GRID2: variants seen among roughly 807,000 people sequenced by gnomAD.
The protein encoded by GRID2 is glutamate ionotropic receptor delta type subunit 2.
Under a neutral mutation model 114.8 loss-of-function variants are expected in GRID2, and 33 were observed. The ratio of observed to expected loss-of-function variants is 0.29; its 90% CI spans 0.22 to 0.38. The LOEUF is 0.38. Ranked by LOEUF, GRID2 falls within the 10% of genes least tolerant of loss-of-function variation. GRID2 has a pLI of 1.00. For missense variants in GRID2, 1,184 were observed against 1,257.7 expected, an observed-to-expected ratio of 0.94 and a Z score of 0.89; for synonymous variants, 505 against 449.9, an observed-to-expected ratio of 1.12 and a Z score of -1.55.
chr4:93,455,586 C>A, intron 10 of GRID2, 76 bp from the exon 11 acceptor site: 1 of 945,620 alleles, frequency 1.1e-6, no homozygotes, highest in Non-Finnish European at 1.6e-6. Flanking sequence ...TTTTTTTCCT[C>A]GAGGCAAGCT....
At chr4:93,370,175 C>T (rs1031271751) in intron 8 of GRID2, among the ~76,000 whole-genome samples, 2 of 151,992 alleles carry the variant, frequency 1.3e-5, no homozygotes, top group Non-Finnish European at 2.9e-5. Flanking sequence ...TCCATACAAA[C>T]AGTAGATACA....
chr4:93,601,296 T>G (rs764834451), intron 13 of GRID2, among the ~76,000 whole-genome samples: 2 of 152,164 alleles, frequency 1.3e-5, no homozygotes, highest in African/African-American at 2.4e-5. Flanking sequence ...ATAGAGTATA[T>G]GCCTACTCAA....
intron 2 of GRID2, among the ~76,000 whole-genome samples, chr4:92,961,549 C>G (rs977686936): frequency 5.3e-5 from 8 of 151,488 alleles, no homozygotes; most frequent in Admixed American, 5.3e-4. Context: ...ATAATTTTAT[C>G]TTAGTGAGTG....
chr4:93,430,294 C>T (rs1769283054), intron 10 of GRID2, among the ~76,000 whole-genome samples: 1 of 152,144 alleles, frequency 6.6e-6, no homozygotes, highest in South Asian at 2.1e-4. Context: ...GACTCTCCTG[C>T]CTCAGCCTCC....
chr4:93,137,835 A>T (rs1735401986), intron 4 of GRID2, among the ~76,000 whole-genome samples: 1 of 152,098 alleles, frequency 6.6e-6, no homozygotes, highest in Non-Finnish European at 1.5e-5. Context: ...GATGTTTCCA[A>T]AATTAAAACA....
At chr4:92,418,032 C>T (rs141788353) in intron 1 of GRID2, among the ~76,000 whole-genome samples, 2,090 of 152,154 alleles carry the variant, frequency 0.014, 20 homozygotes, top group Middle Eastern at 0.044. Flanking sequence ...ATTACTCAGT[C>T]GTGTGTATGT....
intron 1 of GRID2, among the ~76,000 whole-genome samples, chr4:93,782,111 G>A (rs1014485573): frequency 5.3e-5 from 8 of 152,026 alleles, no homozygotes; most frequent in African/African-American, 1.7e-4. Flanking sequence ...TTCCCACATG[G>A]CGAATACTCA....
intron 2 of GRID2, among the ~76,000 whole-genome samples, chr4:93,058,405 C>A (rs1230753518): frequency 2.0e-5 from 3 of 151,878 alleles, no homozygotes; most frequent in African/African-American, 7.2e-5. Context: ...TCTATTTTTT[C>A]ACTATTTTCC....
At chr4:92,958,069 G>T (rs1480070300) in intron 2 of GRID2, among the ~76,000 whole-genome samples, 1 of 151,844 alleles carries the variant, frequency 6.6e-6, no homozygotes, top group Non-Finnish European at 1.5e-5. Flanking sequence ...GATTGTTTTG[G>T]ATTTCCTACA....
In GRID2 at chr4:93,677,708, G is replaced by C. The variant is rs192590699; in HGVS notation, c.2360+51273G>C. 3.3e-5 allele frequency among the ~76,000 whole-genome samples: 5 copies of C among 152,274 alleles called. No individual in the cohort carries two copies. In the East Asian group the frequency reaches 7.7e-4, roughly 24 times the overall value. On this transcript the variant is annotated intron_variant, in intron 14 of 15. Transcript: ENST00000282020. Reference sequence around the variant, plus strand: ...ACCTCTAGCAAACTCCAACAGACCTGCAACAGAGGGTCCTGTCTGTTAGAA... The same window carrying C: ...ACCTCTAGCAAACTCCAACAGACCTCCAACAGAGGGTCCTGTCTGTTAGAA...
At chr4:93,806,608 G>A (rs1323113568) in intron 1 of GRID2, 1 of 152,194 alleles carries the variant, frequency 6.6e-6, no homozygotes, top group East Asian at 1.9e-4. Context: ...GTTTACGATG[G>A]ACATTTAAGG....
At chr4:92,824,266 A>G (rs2149390845) in intron 2 of GRID2, among the ~76,000 whole-genome samples, 1 of 152,272 alleles carries the variant, frequency 6.6e-6, no homozygotes, top group East Asian at 1.9e-4. Context: ...GGTTATTAAA[A>G]TTTATCATTA....
At chr4:92,347,195 A>G (rs1727811674) in intron 1 of GRID2, among the ~76,000 whole-genome samples, 1 of 152,250 alleles carries the variant, frequency 6.6e-6, no homozygotes. Flanking sequence ...ATTGTGGCCA[A>G]AGAATGATGA....
At chr4:93,285,496 G>T (rs1344211444) in intron 8 of GRID2, among the ~76,000 whole-genome samples, 1 of 151,944 alleles carries the variant, frequency 6.6e-6, no homozygotes, top group East Asian at 1.9e-4. Context: ...AAGATAATTT[G>T]CCTGTCCTAT....
rs532809586 is a variant in GRID2, at chr4:92,695,618, A to G, written c.244+105332A>G. ...AAAGATAAAGTAGCATCTGAGGAACAAATGCTAATATCTTAGATTTGGATA... is the reference window on the plus strand; with the variant it reads ...AAAGATAAAGTAGCATCTGAGGAACGAATGCTAATATCTTAGATTTGGATA... On this transcript the variant is annotated intron_variant, in intron 2 of 15. Coordinates refer to ENST00000282020, the MANE Select transcript of GRID2 (RefSeq NM_001510.4). Among the ~76,000 whole-genome samples, 37 of 152,282 alleles carry G rather than the reference A, an allele frequency of 2.4e-4. 1 individual carries two copies. Among genetic ancestry groups the G allele is most frequent in the African/African-American group, 8.2e-4 (34 of 41,578 alleles).
chr4:93,188,701 A>G (rs938642720), intron 4 of GRID2, among the ~76,000 whole-genome samples: 3 of 151,900 alleles, frequency 2.0e-5, no homozygotes, highest in African/African-American at 7.2e-5. Flanking sequence ...TTTTTCTTTA[A>G]TTTGTTTCTC....
At chr4:92,550,646 T>A (rs1026140527) in intron 1 of GRID2, among the ~76,000 whole-genome samples, 2 of 152,154 alleles carry the variant, frequency 1.3e-5, no homozygotes, top group Non-Finnish European at 2.9e-5. Flanking sequence ...TTTCTCAGCC[T>A]CTCTAATTGA....
chr4:92,478,844 A>G (rs552800513), intron 1 of GRID2, among the ~76,000 whole-genome samples: 2 of 152,122 alleles, frequency 1.3e-5, no homozygotes, highest in East Asian at 3.9e-4. Context: ...ACATCTCCCT[A>G]TCTGAAATGT....
intron 1 of GRID2, among the ~76,000 whole-genome samples, chr4:92,441,561 T>G (rs1733080703): frequency 6.6e-6 from 1 of 152,132 alleles, no homozygotes; most frequent in South Asian, 2.1e-4. Flanking sequence ...AAGGCGCAGA[T>G]CCTGAGCTAA....
Sources: gnomAD v4.1 joint callset for allele counts (sites outside exome capture counted in the v4.1 genomes callset) on GRCh38, gnomAD v4.1.1 for gene constraint, MANE v1.5 for transcripts, NCBI Gene and HGNC (gene_info 2026-07-23, HGNC 2026-07-21) for gene names.